TAFA5: variants seen among roughly 807,000 people sequenced by gnomAD.
The protein encoded by TAFA5 is TAFA chemokine like family member 5.
A neutral mutation model predicts 15.3 loss-of-function variants in TAFA5; 6 were observed. That is an observed-to-expected ratio of 0.39 (90% CI 0.21 to 0.77). The LOEUF is 0.77. Ranked by LOEUF, TAFA5 falls within the 30% of genes least tolerant of loss-of-function variation. TAFA5 has a pLI of 0.41. For missense variants in TAFA5, 161 were observed against 193.1 expected (o/e 0.83, Z 0.98); for synonymous variants, 103 against 80.7 (o/e 1.28, Z -1.48).
intron 2 of TAFA5, among the ~76,000 whole-genome samples, chr22:48,655,560 A>C (rs569388088): frequency 6.6e-6 from 1 of 152,176 alleles, no homozygotes; most frequent in Admixed American, 6.5e-5. Flanking sequence ...TTACAGCATT[A>C]TCTCTCCAGG....
intron 1 of TAFA5, chr22:48,576,600 C>A (rs974155069): frequency 7.1e-7 from 1 of 1,408,482 alleles, no homozygotes; most frequent in African/African-American, 1.5e-5. Flanking sequence ...GCGGACCGGT[C>A]CTCCGCGCTC....
chr22:48,748,105 C>T (rs757404118), intron 3 of TAFA5, among the ~76,000 whole-genome samples: 10 of 152,288 alleles, frequency 6.6e-5, no homozygotes, highest in Admixed American at 3.3e-4. Context: ...CTCAGGACCA[C>T]GCCCTCCGGT....
chr22:48,501,559 C>T (rs907093938), intron 1 of TAFA5, among the ~76,000 whole-genome samples: 1 of 151,376 alleles, frequency 6.6e-6, no homozygotes, highest in African/African-American at 2.5e-5. Flanking sequence ...CGGGGGTGCC[C>T]GGGGAGAGAT....
At chr22:48,701,078 G>T (rs960677066) in intron 2 of TAFA5, among the ~76,000 whole-genome samples, 2 of 152,128 alleles carry the variant, frequency 1.3e-5, no homozygotes, top group African/African-American at 4.8e-5. Flanking sequence ...CATCCCTAGG[G>T]CCTGGTACAA....
At chr22:48,694,396 G>A (rs1008902378) in intron 2 of TAFA5, among the ~76,000 whole-genome samples, 8 of 152,162 alleles carry the variant, frequency 5.3e-5, no homozygotes, top group East Asian at 1.9e-4. Context: ...CACCCTGCGC[G>A]TTTCCTGGTG....
chr22:48,699,635 C>T (rs1198680322), intron 2 of TAFA5, among the ~76,000 whole-genome samples: 1 of 152,166 alleles, frequency 6.6e-6, no homozygotes, highest in African/African-American at 2.4e-5. Context: ...TATATTTAAC[C>T]CAGAGCTCTC....
chr22:48,693,081 A>G (rs1928593204), intron 2 of TAFA5, among the ~76,000 whole-genome samples: 2 of 152,244 alleles, frequency 1.3e-5, no homozygotes, highest in Non-Finnish European at 2.9e-5. Context: ...GGCCGTTGGA[A>G]CGCTGCCCTT....
At chr22:48,663,990 A>G (rs1168656220) in intron 2 of TAFA5, among the ~76,000 whole-genome samples, 1 of 152,262 alleles carries the variant, frequency 6.6e-6, no homozygotes. Flanking sequence ...GAAAAAAATC[A>G]CATGCTGAGG....
At chr22:48,741,707 G>A (rs1353437951) in intron 3 of TAFA5, among the ~76,000 whole-genome samples, 4 of 152,034 alleles carry the variant, frequency 2.6e-5, no homozygotes, top group East Asian at 1.9e-4. Context: ...CCATCTGCAC[G>A]CCGAGGAGAG....
At chr22:48,610,585 C>T (rs1279144217) in intron 1 of TAFA5, among the ~76,000 whole-genome samples, 1 of 148,788 alleles carries the variant, frequency 6.7e-6, no homozygotes. Flanking sequence ...GGGCTTTGTC[C>T]CCAGCATGGA....
chr22:48,743,864 A>G (rs946267509), intron 3 of TAFA5, among the ~76,000 whole-genome samples: 2 of 152,228 alleles, frequency 1.3e-5, no homozygotes, highest in African/African-American at 2.4e-5. Flanking sequence ...CCGTCCGCAC[A>G]TTCCTCAGCC....
chr22:48,576,475 T>C (rs1460322237), intron 1 of TAFA5: 4 of 1,450,088 alleles, frequency 2.8e-6, no homozygotes, highest in Non-Finnish European at 3.7e-6. Context: ...GAGTTGGGAC[T>C]CCGCGATGCA....
intron 1 of TAFA5, among the ~76,000 whole-genome samples, chr22:48,600,444 A>G (rs1036375705): frequency 1.3e-5 from 2 of 152,196 alleles, no homozygotes; most frequent in South Asian, 4.1e-4. Flanking sequence ...TTGTGGCCAC[A>G]CGGGCCTTGT....
intron 1 of TAFA5, among the ~76,000 whole-genome samples, chr22:48,606,558 G>T (rs1295092386): frequency 1.3e-5 from 2 of 152,208 alleles, no homozygotes; most frequent in African/African-American, 4.8e-5. Flanking sequence ...AGAGTGGTGG[G>T]ATTATCTGTG....
intron 3 of TAFA5, among the ~76,000 whole-genome samples, chr22:48,747,724 C>G: frequency 6.6e-6 from 1 of 151,936 alleles, no homozygotes; most frequent in East Asian, 1.9e-4. Flanking sequence ...TGGTGAAAGT[C>G]CATCTCTACT....
intron 3 of TAFA5, among the ~76,000 whole-genome samples, chr22:48,738,048 T>G (rs1569100252): frequency 6.6e-6 from 1 of 152,034 alleles, no homozygotes; most frequent in African/African-American, 2.4e-5. Flanking sequence ...TCATTTAGAA[T>G]TCAGTGAGGC....
Position 48,614,988 on chromosome 22 carries a change from C to T in TAFA5, c.113-31609C>T, listed in dbSNP as rs534568250. Among the ~76,000 whole-genome samples, 7 of 152,264 alleles carry T rather than the reference C, an allele frequency of 4.6e-5. No individual in the cohort carries two copies. The South Asian group carries it at 8.3e-4, about 18-fold the overall frequency. ...GAAGCCACGCACTGTAAGAACTCAGCGCTACCTGGGGGATTCATCCTTTTT... is the reference window on the plus strand; with the variant it reads ...GAAGCCACGCACTGTAAGAACTCAGTGCTACCTGGGGGATTCATCCTTTTT... On this transcript the variant is annotated intron_variant, in intron 1 of 3. Coordinates refer to ENST00000402357, the MANE Select transcript of TAFA5 (RefSeq NM_001082967.3).
intron 1 of TAFA5, among the ~76,000 whole-genome samples, chr22:48,602,496 C>T (rs1211100387): frequency 6.6e-6 from 1 of 152,192 alleles, no homozygotes; most frequent in Non-Finnish European, 1.5e-5. Context: ...GGTCCATCAG[C>T]GTTTCCACCT....
chr22:48,605,337 T>TGGTGGC (rs1195487005), intron 1 of TAFA5, among the ~76,000 whole-genome samples: 10 of 91,640 alleles, frequency 1.1e-4, no homozygotes, highest in African/African-American at 3.2e-4. Flanking sequence ...ATGGTGATGA[T>TGGTGGC]GGTGATGGCG....
Sources: gnomAD v4.1 joint callset for allele counts (sites outside exome capture counted in the v4.1 genomes callset) on GRCh38, gnomAD v4.1.1 for gene constraint, MANE v1.5 for transcripts, NCBI Gene and HGNC (gene_info 2026-07-23, HGNC 2026-07-21) for gene names.